FREM1: variants seen among roughly 807,000 people sequenced by gnomAD.
FREM1 encodes the protein FRAS1 related extracellular matrix 1.
In FREM1, 220 loss-of-function variants were observed where a neutral mutation model predicts 210.1. That is an observed-to-expected ratio of 1.05 (90% CI 0.94 to 1.17). The LOEUF is 1.17. Among genes scored for constraint, FREM1 ranks in the 50% most tolerant of loss-of-function variants. The pLI is 0.00. For synonymous variants in FREM1, 1,189 were observed against 980.2 expected (o/e 1.21, Z -3.98); for missense variants, 3,454 against 2,675.5 (o/e 1.29, Z -6.42).
intron 6 of FREM1, 24 bp downstream of exon 6, chr9:14,851,260 G>A (rs1827686281): frequency 3.9e-6 from 6 of 1,530,854 alleles, no homozygotes; most frequent in Non-Finnish European, 5.3e-6. Flanking sequence ...TAACTAGGCT[G>A]GAAGCTTTGT....
At chr9:14,804,607 C>T (rs1234887931) in intron 19 of FREM1, among the ~76,000 whole-genome samples, 1 of 151,780 alleles carries the variant, frequency 6.6e-6, no homozygotes, top group African/African-American at 2.4e-5. Flanking sequence ...ACAAAAAAAC[C>T]ATGACTACTT....
At chr9:14,802,323 C>T (rs1387276212) in intron 19 of FREM1, among the ~76,000 whole-genome samples, 1 of 152,182 alleles carries the variant, frequency 6.6e-6, no homozygotes, top group Non-Finnish European at 1.5e-5. Flanking sequence ...ATAAGTGATA[C>T]AAATATTTGC....
rs1438024365 is a variant in FREM1, at chr9:14,841,492, A to G, written c.1836T>C (p.Phe612=). The part of the protein sequence containing the change: ...GGEIFEDSFQ[F]VLWDSHEPPN... ...GAGGTTCATGGCTGTCCCACAGGACAAATTGAAAAGAATCTTCAAAGATTT... is the reference window on the plus strand; with the variant it reads ...GAGGTTCATGGCTGTCCCACAGGACGAATTGAAAAGAATCTTCAAAGATTT... Residue 612 remains phenylalanine (F), a synonymous_variant, in exon 10 of 37, where the codon TTT becomes TTC. Coordinates refer to ENST00000380880, the MANE Select transcript of FREM1 (RefSeq NM_001379081.2). 4 of 1,612,364 alleles carry G rather than the reference A, an allele frequency of 2.5e-6. No homozygotes were observed. In the South Asian group the frequency reaches 4.4e-5, roughly 18 times the overall value.
Position 14,740,237 on chromosome 9 carries a change from A to C in FREM1, c.6255-3T>G. ...CAGTTACAAGGTTGCCCAGGTATCT[A>C]AATGCAAATGAAAATGAGAGTATCA... On this transcript the variant is annotated splice_polypyrimidine_tract_variant and splice_region_variant and intron_variant, in intron 35 of 36. Transcript: ENST00000380880. The C allele has an allele frequency of 1.9e-6, 3 of 1,607,132 alleles. No homozygotes were observed. The highest frequency in any genetic ancestry group is 1.7e-6 in the Non-Finnish European group (2 of 1,174,006).
At chr9:14,865,819 G>C (rs895799373) in intron 2 of FREM1, among the ~76,000 whole-genome samples, 1 of 152,080 alleles carries the variant, frequency 6.6e-6, no homozygotes, top group Non-Finnish European at 1.5e-5. Context: ...ACAGACTTAG[G>C]AATCTTGTTT....
At chr9:14,874,331 C>A (rs1038592925) in intron 1 of FREM1, among the ~76,000 whole-genome samples, 4 of 150,846 alleles carry the variant, frequency 2.7e-5, no homozygotes, top group South Asian at 2.1e-4. Flanking sequence ...TCAGGACTTG[C>A]TTTATGAATC....
intron 8 of FREM1, among the ~76,000 whole-genome samples, chr9:14,844,395 T>C (rs893411914): frequency 6.6e-6 from 1 of 152,096 alleles, no homozygotes; most frequent in East Asian, 1.9e-4. Context: ...CGGGCTATTT[T>C]TATGTTTTTA....
chr9:14,855,164 C>A (rs1381982733), intron 5 of FREM1, among the ~76,000 whole-genome samples: 1 of 151,616 alleles, frequency 6.6e-6, no homozygotes, highest in African/African-American at 2.4e-5. Flanking sequence ...AATTATAGGC[C>A]TATTATGTTT....
Position 14,769,820 on chromosome 9 carries a change from G to GT in FREM1, c.5107dup (p.Thr1703AsnfsTer42), listed in dbSNP as rs769953988. 1.6e-5 allele frequency: 26 copies of GT among 1,603,900 alleles called. No individual in the cohort carries two copies. The highest frequency in any genetic ancestry group is 2.0e-5 in the Non-Finnish European group (24 of 1,173,776). ...AGATGGGTTTATGATGTAAAGAATA[G>GT]TCTTACTGTTTAAGTCCTTTTGGCT... On this transcript the variant is annotated frameshift_variant, in exon 27 of 37. Transcript: ENST00000380880. LOFTEE classifies it high-confidence loss of function.
At position 14,859,271 on chromosome 9, in the gene FREM1, C is replaced by A; in HGVS notation, c.543G>T (p.Arg181=). 6.2e-7 allele frequency: 1 copy of A among 1,613,724 alleles called. No individual in the cohort carries two copies. Among genetic ancestry groups the A allele is most frequent in the South Asian group, 1.1e-5 (1 of 91,030 alleles). The part of the protein sequence containing the change: ...CTVSLDTART[R]LPAHGQMVLG... ...GAACCATCTGGCCATGGGCTGGCAG[C>A]CGAGTTCTCGCAGTGTCCAGGCTGA... The change falls in exon 4 of 37, where the codon CGG becomes CGT. Residue 181 remains arginine, a synonymous_variant. Coordinates refer to ENST00000380880, the MANE Select transcript of FREM1 (RefSeq NM_001379081.2).
Position 14,894,209 on chromosome 9 carries a change from T to C in FREM1, c.-268+15705A>G, listed in dbSNP as rs964195311. On this transcript the variant is annotated intron_variant, in intron 1 of 36. Transcript: ENST00000380880. ...GGCTGTATTTATATAAATATGTTAC[T>C]GGTATGTGTTCCAAAATAATGGAAA... Among the ~76,000 whole-genome samples the C allele has an allele frequency of 3.0e-4, 45 of 152,364 alleles. 1 individual carries two copies. In the East Asian group the frequency reaches 7.3e-3, roughly 25 times the overall value.
intron 35 of FREM1, among the ~76,000 whole-genome samples, chr9:14,744,909 A>G (rs1842146588): frequency 6.6e-6 from 1 of 152,182 alleles, no homozygotes; most frequent in Non-Finnish European, 1.5e-5. Flanking sequence ...AACATGTGGT[A>G]TTGTCCACCA....
intron 27 of FREM1, among the ~76,000 whole-genome samples, chr9:14,768,882 T>G (rs892277389): frequency 6.6e-6 from 1 of 152,178 alleles, no homozygotes; most frequent in African/African-American, 2.4e-5. Flanking sequence ...TAGGATATGG[T>G]GACTACTAAA....
At chr9:14,885,459 G>T (rs139455515) in intron 1 of FREM1, among the ~76,000 whole-genome samples, 1 of 152,060 alleles carries the variant, frequency 6.6e-6, no homozygotes, top group Non-Finnish European at 1.5e-5. Flanking sequence ...TCACCCTGTC[G>T]CCCAGGCTAG....
chr9:14,906,398 T>C (rs1817707566), intron 1 of FREM1, among the ~76,000 whole-genome samples: 1 of 152,194 alleles, frequency 6.6e-6, no homozygotes, highest in South Asian at 2.1e-4. Context: ...TATAGAACCA[T>C]CCTACCATGT....
intron 10 of FREM1, among the ~76,000 whole-genome samples, chr9:14,833,438 G>A (rs1339159873): frequency 6.6e-6 from 1 of 152,150 alleles, no homozygotes; most frequent in Non-Finnish European, 1.5e-5. Flanking sequence ...GAGCTTAGGG[G>A]CTAAAAATAA....
intron 23 of FREM1, among the ~76,000 whole-genome samples, chr9:14,788,007 C>A (rs2132944477): frequency 6.6e-6 from 1 of 152,130 alleles, no homozygotes; most frequent in East Asian, 1.9e-4. Context: ...AAATTTAGGA[C>A]AATTATAATT....
At chr9:14,829,104 A>G (rs1327793988) in intron 10 of FREM1, among the ~76,000 whole-genome samples, 1 of 152,126 alleles carries the variant, frequency 6.6e-6, no homozygotes, top group Non-Finnish European at 1.5e-5. Context: ...TCTCCACAAC[A>G]TCTAGCACAA....
At chr9:14,903,004 A>C (rs1010974740) in intron 1 of FREM1, among the ~76,000 whole-genome samples, 1 of 152,236 alleles carries the variant, frequency 6.6e-6, no homozygotes, top group Non-Finnish European at 1.5e-5. Context: ...ATGTAATCAA[A>C]TGGCCATTTA....
Sources: allele counts gnomAD v4.1 joint callset (sites outside exome capture counted in the v4.1 genomes callset), GRCh38; gene constraint gnomAD v4.1.1; transcripts MANE v1.5; gene names NCBI Gene and HGNC (gene_info 2026-07-23, HGNC 2026-07-21).